Variants in GAP43 observed in about 807,000 individuals in gnomAD.
GAP43 encodes the protein growth associated protein 43, also known as neuromodulin.
A neutral mutation model predicts 18.6 loss-of-function variants in GAP43; 6 were observed. The ratio of observed to expected loss-of-function variants is 0.32; its 90% confidence interval spans 0.18 to 0.64. The LOEUF (loss-of-function observed/expected upper bound fraction) is 0.64. Ranked by LOEUF, GAP43 falls within the 30% of genes least tolerant of loss-of-function variation. The pLI, the probability that GAP43 is intolerant of heterozygous loss-of-function variation, is 0.78. For missense variants in GAP43, 292 were observed against 295.5 expected (o/e 0.99, Z 0.09); for synonymous variants, 115 against 111.4 (o/e 1.03, Z -0.20).
At chr3:115,683,134 T>C (rs6793437) in intron 2 of GAP43, among the ~76,000 whole-genome samples, 13,438 of 105,142 alleles carry the variant, frequency 0.13, 967 homozygotes, top group African/African-American at 0.19. Context: ...TGCGCGCGCG[T>C]GCGCGCGCGC....
chr3:115,697,405 C>T (rs773738993), intron 2 of GAP43, among the ~76,000 whole-genome samples: 1 of 152,138 alleles, frequency 6.6e-6, no homozygotes, highest in Non-Finnish European at 1.5e-5. Context: ...GTTTCCTCAC[C>T]GTCCTTTGTC....
intron 1 of GAP43, among the ~76,000 whole-genome samples, chr3:115,641,365 C>T (rs138789617): frequency 1.7e-3 from 262 of 151,544 alleles, no homozygotes; most frequent in African/African-American, 6.1e-3. Context: ...TATGTGTGTA[C>T]ATACACACAT....
intron 1 of GAP43, among the ~76,000 whole-genome samples, chr3:115,656,432 C>A (rs529397597): frequency 5.3e-5 from 8 of 152,150 alleles, no homozygotes; most frequent in Non-Finnish European, 5.9e-5. Context: ...GCTCTTTATA[C>A]TAGGCTCCCT....
chr3:115,695,091 T>C (rs1709167210), intron 2 of GAP43, among the ~76,000 whole-genome samples: 1 of 152,210 alleles, frequency 6.6e-6, no homozygotes, highest in African/African-American at 2.4e-5. Flanking sequence ...TTCAAAGTGC[T>C]TTACATAAAC....
At chr3:115,649,177 T>A (rs951094867) in intron 1 of GAP43, among the ~76,000 whole-genome samples, 1 of 152,128 alleles carries the variant, frequency 6.6e-6, no homozygotes, top group Non-Finnish European at 1.5e-5. Context: ...TGGTGTCTAG[T>A]AAAGGCCTGG....
At position 115,698,443 on chromosome 3, in the gene GAP43, A is replaced by G. The variant is rs374960101; in HGVS notation, c.628+21833A>G. 4.4e-3 allele frequency among the ~76,000 whole-genome samples: 653 copies of G among 148,048 alleles called. 8 individuals are homozygous for G. Among genetic ancestry groups the G allele is most frequent in the African/African-American group, 0.016 (633 of 39,988 alleles). On this transcript the variant is annotated intron_variant, in intron 2 of 2. Coordinates refer to ENST00000305124, the MANE Select transcript of GAP43 (RefSeq NM_002045.4). Reference sequence around the variant, plus strand: ...CTCAGATTACTCCAATAAAACCAGTAGGTCTTCTCTTAAGATTCTAACTGT... The same window carrying G: ...CTCAGATTACTCCAATAAAACCAGTGGGTCTTCTCTTAAGATTCTAACTGT...
chr3:115,666,248 G>T (rs145531882), intron 1 of GAP43, among the ~76,000 whole-genome samples: 128 of 152,240 alleles, frequency 8.4e-4, no homozygotes, highest in Middle Eastern at 3.4e-3. Context: ...CCCTTCCCAA[G>T]ATAAGAAAGA....
intron 2 of GAP43, among the ~76,000 whole-genome samples, chr3:115,717,688 C>A (rs1308966427): frequency 7.0e-6 from 1 of 143,126 alleles, no homozygotes; most frequent in African/African-American, 2.6e-5. Flanking sequence ...TTTTTTTTCT[C>A]AGTACCTAGA....
intron 1 of GAP43, among the ~76,000 whole-genome samples, chr3:115,666,423 C>T (rs1163853693): frequency 6.6e-6 from 1 of 152,164 alleles, no homozygotes; most frequent in South Asian, 2.1e-4. Flanking sequence ...GACCAAATCT[C>T]CTCTGGTATT....
chr3:115,643,665 C>A (rs925753299), intron 1 of GAP43, among the ~76,000 whole-genome samples: 2 of 151,942 alleles, frequency 1.3e-5, no homozygotes, highest in African/African-American at 4.8e-5. Context: ...TCAAGGAGTT[C>A]TCTCATTACC....
intron 2 of GAP43, among the ~76,000 whole-genome samples, chr3:115,699,856 G>C (rs1709275167): frequency 1.3e-5 from 2 of 152,212 alleles, no homozygotes; most frequent in African/African-American, 4.8e-5. Context: ...GATAGAGCTT[G>C]AGCTGATGGC....
At chr3:115,645,993 A>C (rs1279626739) in intron 1 of GAP43, among the ~76,000 whole-genome samples, 1 of 152,144 alleles carries the variant, frequency 6.6e-6, no homozygotes, top group Non-Finnish European at 1.5e-5. Context: ...ACTTTGATTT[A>C]GTAATAATTT....
chr3:115,717,537 G>T (rs1709525054), intron 2 of GAP43, among the ~76,000 whole-genome samples: 1 of 151,968 alleles, frequency 6.6e-6, no homozygotes, highest in Admixed American at 6.6e-5. Flanking sequence ...CCGAACTCCT[G>T]ACCTCAGGTG....
At chr3:115,648,855 A>G (rs999719373) in intron 1 of GAP43, among the ~76,000 whole-genome samples, 18 of 152,198 alleles carry the variant, frequency 1.2e-4, no homozygotes, top group African/African-American at 4.3e-4. Context: ...ATAAATGGTC[A>G]GTACTATTAA....
At chr3:115,674,912 C>G (rs554211841) in intron 1 of GAP43, among the ~76,000 whole-genome samples, 12 of 152,324 alleles carry the variant, frequency 7.9e-5, no homozygotes, top group Admixed American at 2.0e-4. Context: ...ATTTCCTTAT[C>G]AGGCTTAAAA....
At chr3:115,704,054 A>G (rs1709330193) in intron 2 of GAP43, among the ~76,000 whole-genome samples, 1 of 152,118 alleles carries the variant, frequency 6.6e-6, no homozygotes, top group African/African-American at 2.4e-5. Context: ...AAGCCAAGGC[A>G]CACAATGACT....
chr3:115,691,243 A>G (rs1709107111), intron 2 of GAP43, among the ~76,000 whole-genome samples: 1 of 152,226 alleles, frequency 6.6e-6, no homozygotes, highest in Non-Finnish European at 1.5e-5. Context: ...CAAATATATT[A>G]TTCAGTGGAT....
In GAP43 at chr3:115,663,619, T is replaced by C. The variant is rs1708694655; in HGVS notation, c.31-12394T>C. On this transcript the variant is annotated intron_variant, in intron 1 of 2. Transcript: ENST00000305124. Reference sequence around the variant, plus strand: ...AAGGAAAATGAGTCACAGCATCACCTGGGTGACGAGGTCATAACACCTCAG... The same window carrying C: ...AAGGAAAATGAGTCACAGCATCACCCGGGTGACGAGGTCATAACACCTCAG... The C allele has an allele frequency of 6.0e-6, 8 of 1,344,422 alleles. No homozygotes were observed. In the South Asian group the frequency reaches 1.5e-4, roughly 25 times the overall value. The allele number at this position is 1,344,422 out of a possible 1,614,324, so 83.3% of individuals were successfully genotyped here.
At chr3:115,627,764 AAAC>A (rs1222718473) in intron 1 of GAP43, among the ~76,000 whole-genome samples, 1 of 152,190 alleles carries the variant, frequency 6.6e-6, no homozygotes. Flanking sequence ...TGGCTGTTGC[AAAC>A]CAAAGAAGTG....
Sources: allele counts gnomAD v4.1 joint callset (sites outside exome capture counted in the v4.1 genomes callset), GRCh38; gene constraint gnomAD v4.1.1; transcripts MANE v1.5; gene names NCBI Gene and HGNC (gene_info 2026-07-23, HGNC 2026-07-21).